The following STIL variants were observed in gnomAD, a reference collection of about 807,000 sequenced individuals.
STIL encodes STIL centriolar assembly protein.
STIL carries 55 observed loss-of-function variants against 110.1 expected under a neutral mutation model. That is an observed-to-expected ratio of 0.50 (90% CI 0.40 to 0.63). The LOEUF (loss-of-function observed/expected upper bound fraction) is 0.63. STIL is among the 20% of genes least tolerant of loss of function. The probability of loss-of-function intolerance (pLI) is 0.00; values close to 1 mark genes in which losing one functional copy is unlikely to be tolerated. For missense variants in STIL, 1,358 were observed against 1,530.0 expected (o/e 0.89, Z 1.87); for synonymous variants, 481 against 530.0 (o/e 0.91, Z 1.27).
chr1:47,264,035 G>A (rs1413360500), intron 14 of STIL, among the ~76,000 whole-genome samples: 1 of 152,174 alleles, frequency 6.6e-6, no homozygotes, highest in Non-Finnish European at 1.5e-5. Flanking sequence ...TTACAGGCGT[G>A]AGCCACTGCA....
At chr1:47,264,032 C>G (rs556679668) in intron 14 of STIL, among the ~76,000 whole-genome samples, 1 of 152,080 alleles carries the variant, frequency 6.6e-6, no homozygotes, top group African/African-American at 2.4e-5. Context: ...GGATTACAGG[C>G]GTGAGCCACT....
upstream of STIL, among the ~76,000 whole-genome samples, chr1:47,314,388 T>C (rs1646227449): frequency 6.6e-6 from 1 of 152,210 alleles, no homozygotes; most frequent in African/African-American, 2.4e-5. Flanking sequence ...ATTTAAACCT[T>C]TCATTTCGTC....
At chr1:47,286,332 T>C (rs1645298343) in intron 10 of STIL, among the ~76,000 whole-genome samples, 1 of 152,136 alleles carries the variant, frequency 6.6e-6, no homozygotes, top group African/African-American at 2.4e-5. Context: ...TCAATGGCTT[T>C]TTTTTTTAAA....
At chr1:47,261,192 A>G (rs1360459158) in intron 15 of STIL, among the ~76,000 whole-genome samples, 2 of 151,980 alleles carry the variant, frequency 1.3e-5, no homozygotes, top group African/African-American at 4.8e-5. Flanking sequence ...GTTCAAGACC[A>G]GCCTAGCCAA....
intron 1 of STIL, among the ~76,000 whole-genome samples, chr1:47,311,979 G>C (rs1247297356): frequency 1.3e-5 from 2 of 152,150 alleles, no homozygotes; most frequent in African/African-American, 4.8e-5. Flanking sequence ...CCTGGGAGGG[G>C]AGGTTGCAGT....
chr1:47,265,600 G>C (rs911236800), intron 14 of STIL, among the ~76,000 whole-genome samples: 1 of 151,822 alleles, frequency 6.6e-6, no homozygotes, highest in Admixed American at 6.6e-5. Flanking sequence ...GGCCAACATG[G>C]AGAAACCCCG....
In STIL at chr1:47,287,531, A is replaced by G; in HGVS notation, c.1133+20T>C. On this transcript the variant is annotated intron_variant, in intron 10 of 16. Transcript: ENST00000371877. The stretch of plus-strand genomic sequence containing the variant: ...TAATTTTTAAAAAAACACACACATA[A>G]TAACAAAAAGATCTTTTACCTCTTA... The G allele has an allele frequency of 6.6e-7, 1 of 1,516,448 alleles. No individual in the cohort carries two copies. Among genetic ancestry groups the G allele is most frequent in the Non-Finnish European group, 9.1e-7 (1 of 1,099,240 alleles). 93.9% of individuals were successfully genotyped at this position (1,516,448 alleles called of 1,614,324 possible).
At position 47,251,373 on chromosome 1, in the gene STIL, C is replaced by T. The variant is rs1644177727; in HGVS notation, c.3630G>A (p.Gln1210=). ...TNEVLQTKAK[Q]QLTEKPAFLV... The stretch of plus-strand genomic sequence containing the variant: ...AGAAAGCTGGCTTTTCAGTCAACTG[C>T]TGTTTTGCTTTTGTCTGCAAAACTT... The change falls in exon 17 of 17, where the codon CAG becomes CAA. Residue 1210 remains glutamine, a synonymous_variant. Coordinates refer to ENST00000371877, the MANE Select transcript of STIL (RefSeq NM_001048166.1). The T allele has an allele frequency of 6.2e-7, 1 of 1,614,234 alleles. No homozygotes were observed. Among genetic ancestry groups the T allele is most frequent in the African/African-American group, 1.3e-5 (1 of 75,068 alleles).
intron 12 of STIL, among the ~76,000 whole-genome samples, chr1:47,279,454 G>A (rs898220343): frequency 6.6e-6 from 1 of 151,950 alleles, no homozygotes; most frequent in Non-Finnish European, 1.5e-5. Flanking sequence ...ACGTCAGTGA[G>A]GAAAGAAGAA....
At chr1:47,275,147 TCAA>T (rs35911281) in intron 12 of STIL, among the ~76,000 whole-genome samples, 12 of 149,214 alleles carry the variant, frequency 8.0e-5, no homozygotes, top group Middle Eastern at 3.4e-3. Context: ...CTCTGTCTCA[TCAA>T]CAACAACAAC....
chr1:47,301,653 C>A lies in STIL; in HGVS notation c.361G>T (p.Asp121Tyr). The change falls in exon 5 of 17, where the codon GAC (aspartate) becomes TAC (tyrosine). Residue 121 changes from aspartate (D) to tyrosine (Y), a missense_variant. Asp to Tyr is a radical substitution (Grantham distance 160, BLOSUM62 -3). Transcript: ENST00000371877. ...TGAACTTTGCATGGAATCAAAAAGT[C>A]CCCAGGAAGAGAAGCAGTAGGGGTT... ...EITPTASLPG[D>Y]FLIPCKVHTQ... The A allele has an allele frequency of 6.2e-7, 1 of 1,613,934 alleles. No individual in the cohort carries two copies. The highest frequency in any genetic ancestry group is 1.1e-5 in the South Asian group (1 of 91,082).
chr1:47,271,935 C>G, intron 13 of STIL, 141 bp downstream of exon 13: 1 of 802,816 alleles, frequency 1.2e-6, no homozygotes, highest in Non-Finnish European at 2.0e-6. Flanking sequence ...ACTAAAATCA[C>G]ACAAAAACTT....
chr1:47,267,470 C>T (rs1025482878), intron 14 of STIL, among the ~76,000 whole-genome samples: 2 of 151,648 alleles, frequency 1.3e-5, no homozygotes, highest in East Asian at 1.9e-4. Flanking sequence ...TTTGAAAGGC[C>T]GAGGCAGGTG....
At chr1:47,262,707 C>T (rs980114597) in intron 15 of STIL, among the ~76,000 whole-genome samples, 196 bp downstream of exon 15, 3 of 151,904 alleles carry the variant, frequency 2.0e-5, no homozygotes, top group African/African-American at 7.3e-5. Flanking sequence ...TTTCTAAGTA[C>T]TTAAGTATGT....
chr1:47,263,368 C>G (rs577732534), intron 14 of STIL, among the ~76,000 whole-genome samples: 2 of 152,186 alleles, frequency 1.3e-5, no homozygotes, highest in East Asian at 3.9e-4. Context: ...TATATCGAGA[C>G]CCCATCTCCA....
intron 14 of STIL, among the ~76,000 whole-genome samples, chr1:47,267,705 CG>C (rs1557717540): frequency 1.9e-5 from 1 of 53,360 alleles, no homozygotes; most frequent in African/African-American, 9.3e-5. Context: ...CTTTAGAATC[CG>C]TTTTTTGTTT....
At chr1:47,259,493 C>G (rs1570025600) in intron 16 of STIL, among the ~76,000 whole-genome samples, 1 of 150,316 alleles carries the variant, frequency 6.7e-6, no homozygotes, top group African/African-American at 2.4e-5. Flanking sequence ...GTTTCACCAT[C>G]TTGGCCAGGC....
At chr1:47,279,177 G>T (rs1043602152) in intron 12 of STIL, among the ~76,000 whole-genome samples, 1 of 151,674 alleles carries the variant, frequency 6.6e-6, no homozygotes, top group African/African-American at 2.4e-5. Flanking sequence ...CAGCTACTCC[G>T]GCGGCTGAGG....
Position 47,250,874 on chromosome 1 carries a change from G to C in STIL, c.*262C>G. The C allele has an allele frequency of 4.5e-6, 2 of 448,366 alleles. No homozygotes were observed. The highest frequency in any genetic ancestry group is 8.0e-6 in the Non-Finnish European group (2 of 251,496). The allele number at this position is 448,366 out of a possible 1,614,324, so 27.8% of individuals were successfully genotyped here. A position where few individuals can be genotyped will look rare whatever the true frequency, so the allele number is the denominator to read the frequency against. The stretch of plus-strand genomic sequence containing the variant: ...TGAGACTTAGAGCTGGATAGTATCT[G>C]TCTACTACTTAAACTTGTAGGAATA... On this transcript the variant is annotated 3_prime_UTR_variant, in exon 17 of 17. Coordinates refer to ENST00000371877, the MANE Select transcript of STIL (RefSeq NM_001048166.1).
Sources: gnomAD v4.1 joint callset for allele counts (sites outside exome capture counted in the v4.1 genomes callset) on GRCh38, gnomAD v4.1.1 for gene constraint, MANE v1.5 for transcripts, NCBI Gene and HGNC (gene_info 2026-07-23, HGNC 2026-07-21) for gene names.